The following STK39 variants were observed in gnomAD, a reference collection of about 807,000 sequenced individuals.
STK39 encodes STE20/SPS1-related proline-alanine-rich protein kinase.
STK39 carries 20 observed loss-of-function variants against 77.8 expected under a neutral mutation model. The ratio of observed to expected loss-of-function variants is 0.26; its 90% CI spans 0.18 to 0.37. The LOEUF (loss-of-function observed/expected upper bound fraction) is 0.37, where lower values mean the gene tolerates loss of function less well. STK39 is among the 10% of genes least tolerant of loss of function. The pLI is 1.00. For missense variants in STK39, 479 were observed against 656.5 expected, an observed-to-expected ratio of 0.73 and a Z score of 2.95; for synonymous variants, 246 against 234.1, an observed-to-expected ratio of 1.05 and a Z score of -0.47.
chr2:168,031,605 T>C (rs1305299935), intron 14 of STK39, among the ~76,000 whole-genome samples: 2 of 152,160 alleles, frequency 1.3e-5, no homozygotes, highest in Non-Finnish European at 2.9e-5. Flanking sequence ...GGGTGGGCCC[T>C]AATCCAACAG....
At chr2:168,133,433 A>G (rs752773597) in intron 8 of STK39, among the ~76,000 whole-genome samples, 8 of 152,236 alleles carry the variant, frequency 5.3e-5, no homozygotes, top group Non-Finnish European at 4.4e-5. Flanking sequence ...AACTTTACAC[A>G]GAGAATAACT....
chr2:168,186,340 T>C (rs924840559), intron 1 of STK39, among the ~76,000 whole-genome samples: 12 of 152,198 alleles, frequency 7.9e-5, no homozygotes, highest in African/African-American at 2.4e-4. Context: ...ATATGGTATT[T>C]TGTTACAACA....
intron 1 of STK39, among the ~76,000 whole-genome samples, chr2:168,242,788 G>A (rs1690802570): frequency 6.6e-6 from 1 of 150,424 alleles, no homozygotes; most frequent in Non-Finnish European, 1.5e-5. Context: ...AGCTACTCAG[G>A]AGGCTGATGT....
At chr2:168,159,834 G>A (rs1312373460) in intron 5 of STK39, among the ~76,000 whole-genome samples, 1 of 152,170 alleles carries the variant, frequency 6.6e-6, no homozygotes, top group Non-Finnish European at 1.5e-5. Context: ...CACATGCCAG[G>A]CATAGAAAAG....
intron 12 of STK39, among the ~76,000 whole-genome samples, chr2:168,066,127 T>C (rs1685787931): frequency 6.6e-6 from 1 of 152,180 alleles, no homozygotes; most frequent in African/African-American, 2.4e-5. Flanking sequence ...AAATCAGAAA[T>C]CATCAAAAAT....
intron 10 of STK39, among the ~76,000 whole-genome samples, chr2:168,107,385 G>T (rs1687002425): frequency 6.6e-6 from 1 of 152,194 alleles, no homozygotes; most frequent in Admixed American, 6.5e-5. Context: ...CCAGAAGGAT[G>T]TCTAACCTCA....
intron 16 of STK39, among the ~76,000 whole-genome samples, chr2:168,005,944 A>G (rs1253079220): frequency 4.6e-5 from 7 of 152,230 alleles, no homozygotes; most frequent in African/African-American, 1.7e-4. Context: ...CTATCACTAA[A>G]GTAAGTTTTC....
rs150143222 is a variant in STK39, at chr2:168,145,625, C to G, written c.629-4867G>C. ...GCGATTTCTCCTGCCTAATTTAGTC[C>G]GCAAAACTAAAGTCTGCCAACTGTG... On this transcript the variant is annotated intron_variant, in intron 5 of 17. Coordinates refer to ENST00000355999, the MANE Select transcript of STK39 (RefSeq NM_013233.3). Among the ~76,000 whole-genome samples the G allele has an allele frequency of 2.5e-3, 377 of 152,190 alleles. 4 individuals carry two copies. Among genetic ancestry groups the G allele is most frequent in the African/African-American group, 8.8e-3 (365 of 41,520 alleles).
In STK39 at chr2:168,167,361, G is replaced by C; in HGVS notation, c.368C>G (p.Thr123Ser). The C allele has an allele frequency of 6.2e-7, 1 of 1,613,736 alleles. No homozygotes were observed. ...TTTGACCACAAAAGAGGTGTAATAG[G>C]TCACTACGTTGGGATGGCTGCACTG... ...MSQCSHPNVVTYYTSFVVKDE... is the reference protein window; with the variant it reads ...MSQCSHPNVVSYYTSFVVKDE... Residue 123 changes from threonine (T) to serine (S), a missense_variant, in exon 3 of 18, where the codon ACC becomes AGC. Coordinates refer to ENST00000355999, the MANE Select transcript of STK39 (RefSeq NM_013233.3).
intron 16 of STK39, among the ~76,000 whole-genome samples, chr2:168,010,130 T>A (rs1684233838): frequency 6.6e-6 from 1 of 152,228 alleles, no homozygotes; most frequent in Non-Finnish European, 1.5e-5. Flanking sequence ...AACAATCTGA[T>A]CCTTGGCTTC....
At chr2:168,216,025 G>A (rs1303282852) in intron 1 of STK39, among the ~76,000 whole-genome samples, 1 of 152,164 alleles carries the variant, frequency 6.6e-6, no homozygotes, top group African/African-American at 2.4e-5. Context: ...CTCCCACAGG[G>A]CATTCCAATA....
At chr2:168,036,621 G>A (rs1389201607) in intron 14 of STK39, among the ~76,000 whole-genome samples, 1 of 152,198 alleles carries the variant, frequency 6.6e-6, no homozygotes, top group Non-Finnish European at 1.5e-5. Flanking sequence ...CTTCAGACTT[G>A]TCTAGATATC....
intron 10 of STK39, among the ~76,000 whole-genome samples, chr2:168,100,805 C>T (rs1037427786): frequency 6.6e-6 from 1 of 152,118 alleles, no homozygotes; most frequent in African/African-American, 2.4e-5. Flanking sequence ...GTGGTGATTC[C>T]TCAAGGATCT....
chr2:168,231,080 T>C (rs1203050976), intron 1 of STK39, among the ~76,000 whole-genome samples: 2 of 152,196 alleles, frequency 1.3e-5, no homozygotes, highest in Non-Finnish European at 2.9e-5. Flanking sequence ...GTCCTAGTCT[T>C]ATCACTTCTA....
At chr2:168,235,601 C>A (rs1373252012) in intron 1 of STK39, among the ~76,000 whole-genome samples, 6 of 105,170 alleles carry the variant, frequency 5.7e-5, no homozygotes, top group Non-Finnish European at 1.1e-4. Context: ...CTATCCCTCC[C>A]CCCTCCCCCC....
intron 14 of STK39, 43 bp from the exon 15 acceptor site, chr2:168,017,138 G>A (rs780879251): frequency 7.9e-6 from 11 of 1,394,942 alleles, no homozygotes; most frequent in Admixed American, 6.2e-5. Context: ...TAGGGAAGCA[G>A]AGTTTAGTCG....
intron 14 of STK39, among the ~76,000 whole-genome samples, chr2:168,024,304 G>C (rs1050410302): frequency 1.3e-5 from 2 of 152,098 alleles, no homozygotes; most frequent in Admixed American, 6.6e-5. Context: ...CTACTTATTT[G>C]GCCTTCTGTA....
In STK39 at chr2:167,991,193, GC is replaced by G. The variant is rs1274373941; in HGVS notation, c.1498+21440del. On this transcript the variant is annotated intron_variant, in intron 16 of 17. Coordinates refer to ENST00000355999, the MANE Select transcript of STK39 (RefSeq NM_013233.3). The stretch of plus-strand genomic sequence containing the variant: ...AAGTCACTATTGAAAGCACACATGT[GC>G]TTTCTTTCAACTTACACCCTTCCCC... Among the ~76,000 whole-genome samples, 15 of 152,288 alleles carry G rather than the reference GC, an allele frequency of 9.8e-5. No individual in the cohort carries two copies. The East Asian group carries it at 2.9e-3, about 29-fold the overall frequency.
chr2:168,177,082 G>A (rs1310655203), intron 2 of STK39, among the ~76,000 whole-genome samples: 1 of 152,102 alleles, frequency 6.6e-6, no homozygotes, highest in Non-Finnish European at 1.5e-5. Flanking sequence ...CAAGTCCCCT[G>A]ACCCAGGGAG....
Sources: allele counts gnomAD v4.1 joint callset (sites outside exome capture counted in the v4.1 genomes callset), GRCh38; gene constraint gnomAD v4.1.1; transcripts MANE v1.5; gene names NCBI Gene and HGNC (gene_info 2026-07-23, HGNC 2026-07-21).